The following XIST variants were observed in gnomAD, a reference collection of about 807,000 sequenced individuals.
XIST encodes the protein X inactive specific transcript (non-protein coding).
At chrX:73,822,981 C>CT (rs1375909473) in exon 6 of XIST, 2 of 556,995 alleles carry the variant, frequency 3.6e-6, no homozygotes, top group Admixed American at 2.2e-5. Flanking sequence ...TGGTTTACGT[C>CT]TTTCAAGCAC....
chrX:73,845,051 C>T (rs770379859), exon 1 of XIST: 5 of 557,408 alleles, frequency 9.0e-6, no homozygotes, highest in South Asian at 8.9e-5. Flanking sequence ...TACTGTACTG[C>T]AAAAGGGGTC....
chrX:73,820,829 C>T, exon 6 of XIST: 1 of 558,497 alleles, frequency 1.8e-6, no homozygotes, highest in East Asian at 3.2e-5. Flanking sequence ...CATCAGTTCA[C>T]AAGTTCAAGA....
At chrX:73,834,934 C>T (rs1168227364) in intron 2 of XIST, among the ~76,000 whole-genome samples, 1 of 105,921 alleles carries the variant, frequency 9.4e-6, no homozygotes, top group Non-Finnish European at 1.9e-5. Flanking sequence ...AAGGAGGTTG[C>T]AGTGAGTCGA....
exon 6 of XIST, chrX:73,824,357 G>A (rs767656882): frequency 1.9e-5 from 10 of 536,121 alleles, no homozygotes; most frequent in Admixed American, 7.2e-5. Flanking sequence ...TATAAACCTA[G>A]TACCCAGCAC....
chrX:73,838,345 T>C (rs1922522800), intron 1 of XIST, among the ~76,000 whole-genome samples: 1 of 110,960 alleles, frequency 9.0e-6, no homozygotes, highest in South Asian at 3.7e-4. Context: ...ATTGCTTGGG[T>C]CTACTGCATA....
At chrX:73,822,010 T>C in exon 6 of XIST, 1 of 558,764 alleles carries the variant, frequency 1.8e-6, no homozygotes, top group Non-Finnish European at 3.2e-6. Context: ...GAAAGAGATC[T>C]ATTTAGGCAG....
exon 6 of XIST, chrX:73,824,841 T>C (rs1264517546): frequency 5.4e-6 from 3 of 556,778 alleles, no homozygotes; most frequent in Non-Finnish European, 9.7e-6. Context: ...CTTGATTGTT[T>C]AAAATTAAGC....
At chrX:73,843,969 G>A (rs1162704710) in exon 1 of XIST, 2 of 558,491 alleles carry the variant, frequency 3.6e-6, no homozygotes, top group Non-Finnish European at 6.5e-6. Flanking sequence ...GCCTTGGAGG[G>A]AAACAGTATA....
chrX:73,832,347 C>T (rs1483880580), intron 3 of XIST, among the ~76,000 whole-genome samples: 1 of 110,389 alleles, frequency 9.1e-6, no homozygotes, highest in Non-Finnish European at 1.9e-5. Context: ...AAAAAATACA[C>T]GCCACAAAAA....
At chrX:73,844,171 G>A (rs190480364) in exon 1 of XIST, 3 of 556,850 alleles carry the variant, frequency 5.4e-6, no homozygotes, top group East Asian at 6.5e-5. Flanking sequence ...AACAAGCCAA[G>A]AAAAGGGGAC....
chrX:73,849,391 G>A (rs1922856328), exon 1 of XIST: 1 of 558,845 alleles, frequency 1.8e-6, no homozygotes, highest in Non-Finnish European at 3.2e-6. Context: ...TAGGATTATT[G>A]GCAATTAGAA....
chrX:73,849,242 G>T, exon 1 of XIST: 1 of 558,860 alleles, frequency 1.8e-6, no homozygotes, highest in Non-Finnish European at 3.2e-6. Flanking sequence ...ACAGCAAAAA[G>T]CGCAGTAGGG....
chrX:73,851,519 G>A (rs762907193), exon 1 of XIST: 28 of 557,475 alleles, frequency 5.0e-5, no homozygotes, highest in Non-Finnish European at 6.5e-6. Context: ...ACAAAGCACA[G>A]CCCGCCATGC....
In XIST at chrX:73,846,151, C is replaced by G. The variant is rs375764323; in HGVS notation, n.6573G>C. The G allele has an allele frequency of 7.2e-6, 4 of 552,075 alleles. No individual in the cohort carries two copies. In the African/African-American group the frequency reaches 9.3e-5, roughly 13 times the overall value. The allele number at this position is 552,075 out of a possible 1,213,427, so 45.5% of individuals were successfully genotyped here. A position where few individuals can be genotyped will look rare whatever the true frequency, so the allele number is the denominator to read the frequency against. ...GCTTCCATGTCTAATACACAGGAACCGGGACAAACATAATCACACGCATAC... is the reference window on the plus strand; with the variant it reads ...GCTTCCATGTCTAATACACAGGAACGGGGACAAACATAATCACACGCATAC... On this transcript the variant is annotated non_coding_transcript_exon_variant, in exon 1 of 6. Coordinates refer to ENST00000429829, the Ensembl canonical transcript of XIST.
At chrX:73,841,258 T>C (rs951270361) in intron 1 of XIST, 3 of 405,234 alleles carry the variant, frequency 7.4e-6, no homozygotes, top group Non-Finnish European at 1.3e-5. Context: ...ATATATATAT[T>C]GCAGATGAGG....
At chrX:73,821,943 C>T (rs755619693) in exon 6 of XIST, 1 of 556,588 alleles carries the variant, frequency 1.8e-6, no homozygotes, top group Admixed American at 2.2e-5. Flanking sequence ...GAAGCTGTTG[C>T]ATGAGAAATC....
At chrX:73,827,994 A>G in intron 5 of XIST, 1 of 499,376 alleles carries the variant, frequency 2.0e-6, no homozygotes. Flanking sequence ...ACTTGAGTGC[A>G]AGAGATAAGC....
At chrX:73,850,771 G>T in exon 1 of XIST, 1 of 324,317 alleles carries the variant, frequency 3.1e-6, no homozygotes, top group East Asian at 8.6e-5. Flanking sequence ...GGGGTGGGGG[G>T]GGAGGTATAC....
rs769319230 is a variant in XIST, at chrX:73,847,070, C to T, written n.5654G>A. 1.3e-4 allele frequency: 70 copies of T among 557,853 alleles called. No individual in the cohort carries two copies. The East Asian group carries it at 1.9e-3, about 15-fold the overall frequency. 46.0% of individuals were successfully genotyped at this position (557,853 alleles called of 1,213,427 possible). A position where few individuals can be genotyped will look rare whatever the true frequency, so the allele number is the denominator to read the frequency against. On this transcript the variant is annotated non_coding_transcript_exon_variant, in exon 1 of 6. Transcript: ENST00000429829. ...TGTATATAACACCTAAGATTATGCA[C>T]GCTAACTTTACTAGTCTAAGGGTCT...
Sources: gnomAD v4.1 joint callset for allele counts (sites outside exome capture counted in the v4.1 genomes callset) on GRCh38, gnomAD v4.1.1 for gene constraint, MANE v1.5 for transcripts, NCBI Gene and HGNC (gene_info 2026-07-23, HGNC 2026-07-21) for gene names.